ZNG1A: variants seen among roughly 807,000 people sequenced by gnomAD.
The protein encoded by ZNG1A is Zn regulated GTPase metalloprotein activator 1A.
the ZNG1A span, chr9:162,328 T>C: frequency 8.8e-7 from 1 of 1,138,590 alleles, no homozygotes; most frequent in Non-Finnish European, 1.2e-6. Context: ...AGAAAGGTTT[T>C]TGTTAAAGAA....
the ZNG1A span, among the ~76,000 whole-genome samples, chr9:163,623 A>C: frequency 6.6e-6 from 1 of 151,108 alleles, no homozygotes; most frequent in Non-Finnish European, 1.5e-5. Flanking sequence ...GATTTTACTA[A>C]AAAACAAAAG....
the ZNG1A span, among the ~76,000 whole-genome samples, chr9:171,187 T>C: frequency 6.6e-6 from 1 of 152,172 alleles, no homozygotes; most frequent in Admixed American, 6.5e-5. Context: ...TGTTATTATG[T>C]AATTGTTTTA....
the ZNG1A span, chr9:146,229 A>C: frequency 6.3e-7 from 1 of 1,579,884 alleles, no homozygotes; most frequent in Non-Finnish European, 8.5e-7. Context: ...AAGAAAAAAA[A>C]CTCTGACTTA....
At chr9:159,553 T>C in the ZNG1A span, among the ~76,000 whole-genome samples, 5,522 of 116,438 alleles carry the variant, frequency 0.047, no homozygotes, top group East Asian at 0.18. Context: ...TACTTGTCAA[T>C]TATACCTCAA....
chr9:175,634 T>G, the ZNG1A span: 1 of 1,559,652 alleles, frequency 6.4e-7, no homozygotes, highest in African/African-American at 1.4e-5. Flanking sequence ...GGAATATCAA[T>G]TCACCAGAGG....
chr9:146,099 T>C, the ZNG1A span: 1 of 1,550,276 alleles, frequency 6.5e-7, no homozygotes. Flanking sequence ...ATACAAAACA[T>C]ACCTTATTCC....
the ZNG1A span, among the ~76,000 whole-genome samples, chr9:140,082 G>A: frequency 4.0e-5 from 6 of 150,746 alleles, no homozygotes; most frequent in South Asian, 4.2e-4. Context: ...AGCGAGGCTC[G>A]GGGAGGGGCG....
chr9:136,023 C>T, the ZNG1A span, among the ~76,000 whole-genome samples: 482 of 66,402 alleles, frequency 7.3e-3, 23 homozygotes, highest in African/African-American at 0.021. Context: ...AAAAACATTT[C>T]GAAAAATCAT....
chr9:166,587 G>T, the ZNG1A span: 1 of 152,588 alleles, frequency 6.6e-6, no homozygotes, highest in African/African-American at 2.4e-5. Flanking sequence ...AAAAACTAAA[G>T]AAAATTCTCA....
the ZNG1A span, among the ~76,000 whole-genome samples, chr9:124,829 T>C: frequency 1.4e-5 from 2 of 145,500 alleles, no homozygotes; most frequent in Admixed American, 6.9e-5. Context: ...TCCTGAGTTC[T>C]TTCACTTAGA....
At chr9:169,852 AG>A in the ZNG1A span, among the ~76,000 whole-genome samples, 1 of 119,100 alleles carries the variant, frequency 8.4e-6, no homozygotes, top group Non-Finnish European at 1.7e-5. Context: ...GTATAAACAC[AG>A]CTTTTTTTTT....
the ZNG1A span, chr9:146,179 G>A: frequency 1.1e-5 from 18 of 1,581,546 alleles, no homozygotes; most frequent in African/African-American, 2.7e-5. Context: ...GAAAACTAAC[G>A]TGAGCAGTTG....
chr9:148,362 A>G, the ZNG1A span: 1 of 73,224 alleles, frequency 1.4e-5, no homozygotes, highest in African/African-American at 4.2e-5. Flanking sequence ...AAAACAATAA[A>G]ATATCCAAGT....
the ZNG1A span, chr9:121,432 T>C: frequency 5.6e-5 from 86 of 1,544,656 alleles, no homozygotes; most frequent in African/African-American, 8.1e-4. Context: ...CTTATTTTTA[T>C]TATCCAATCC....
the ZNG1A span, chr9:153,681 T>C: frequency 7.3e-5 from 11 of 150,784 alleles, no homozygotes; most frequent in African/African-American, 2.7e-4. Context: ...ACTATTAAAA[T>C]AAGATGAAAT....
chr9:167,438 G>C, the ZNG1A span: 1 of 150,220 alleles, frequency 6.7e-6, no homozygotes, highest in African/African-American at 2.5e-5. Context: ...TTTATACCTA[G>C]CCAAGTAATC....
chr9:121,470 T>A, the ZNG1A span: 1 of 1,611,262 alleles, frequency 6.2e-7, no homozygotes, highest in East Asian at 2.2e-5. Flanking sequence ...TCTAGTGTTA[T>A]GTACAAACTT....
At chr9:174,833 T>C in the ZNG1A span, among the ~76,000 whole-genome samples, 28,602 of 150,500 alleles carry the variant, frequency 0.19, 3,113 homozygotes, top group East Asian at 0.42. Context: ...ACAGAAGTAT[T>C]GTGTCTAGAG....
At chr9:139,162 T>G in the ZNG1A span, among the ~76,000 whole-genome samples, 5,527 of 147,494 alleles carry the variant, frequency 0.037, 143 homozygotes, top group African/African-American at 0.062. Flanking sequence ...ATGTGGTATA[T>G]GTAGAAAATG....
Sources: gnomAD v4.1 joint callset for allele counts (sites outside exome capture counted in the v4.1 genomes callset) on GRCh38, gnomAD v4.1.1 for gene constraint, MANE v1.5 for transcripts, NCBI Gene and HGNC (gene_info 2026-07-23, HGNC 2026-07-21) for gene names.